CCDC85A: variants seen among roughly 807,000 people sequenced by gnomAD.
CCDC85A encodes coiled-coil domain containing 85A, also known as coiled-coil domain-containing protein 85A.
CCDC85A carries 38 observed loss-of-function variants against 50.2 expected under a neutral mutation model. The observed-to-expected ratio is 0.76, with a 90% CI of 0.58 to 0.99. The LOEUF is 0.99. Ranked by LOEUF, CCDC85A falls within the 50% of genes least tolerant of loss-of-function variation. The pLI, the probability that CCDC85A is intolerant of heterozygous loss-of-function variation, is 0.00. For missense variants in CCDC85A, 820 were observed against 742.0 expected (o/e 1.11, Z -1.22); for synonymous variants, 366 against 301.4 (o/e 1.21, Z -2.22).
chr2:56,333,376 C>A (rs1226888519), intron 2 of CCDC85A, among the ~76,000 whole-genome samples: 2 of 152,076 alleles, frequency 1.3e-5, no homozygotes, highest in Non-Finnish European at 2.9e-5. Context: ...GGCAAGAAGA[C>A]ATCTATGGTG....
At chr2:56,254,343 G>T (rs967399079) in intron 2 of CCDC85A, among the ~76,000 whole-genome samples, 1 of 152,212 alleles carries the variant, frequency 6.6e-6, no homozygotes, top group Middle Eastern at 3.4e-3. Context: ...TCTTGGGGTG[G>T]TGGTGGTAGC....
intron 5 of CCDC85A, among the ~76,000 whole-genome samples, chr2:56,376,327 A>G (rs966879913): frequency 6.6e-6 from 1 of 152,200 alleles, no homozygotes; most frequent in African/African-American, 2.4e-5. Context: ...ATACCACAGT[A>G]TTCTTTCTTG....
chr2:56,267,733 G>A (rs1341832256), intron 2 of CCDC85A, among the ~76,000 whole-genome samples: 1 of 152,154 alleles, frequency 6.6e-6, no homozygotes, highest in Non-Finnish European at 1.5e-5. Context: ...ACTGGAGAGT[G>A]GAATTCAGTG....
chr2:56,325,458 A>G (rs1276446594), intron 2 of CCDC85A, among the ~76,000 whole-genome samples: 2 of 152,112 alleles, frequency 1.3e-5, no homozygotes, highest in African/African-American at 4.8e-5. Flanking sequence ...GGAATAAGCA[A>G]TTTCTGTTCT....
chr2:56,348,504 C>T lies in CCDC85A; in HGVS notation c.1317+5549C>T, dbSNP rs1674743029. ...TTAGAAATGGAAATGAAAAGTCTCC[C>T]TCTCAAGTAATTTGCTTACAATGTG... On this transcript the variant is annotated intron_variant, in intron 3 of 5. Coordinates refer to ENST00000407595, the MANE Select transcript of CCDC85A (RefSeq NM_001080433.2). Among the ~76,000 whole-genome samples, 3 of 152,330 alleles carry T rather than the reference C, an allele frequency of 2.0e-5. No homozygotes were observed. The South Asian group carries it at 6.2e-4, about 32-fold the overall frequency.
chr2:56,242,662 C>A (rs1369138890), intron 2 of CCDC85A, among the ~76,000 whole-genome samples: 1 of 152,094 alleles, frequency 6.6e-6, no homozygotes, highest in African/African-American at 2.4e-5. Flanking sequence ...GGACAAATAT[C>A]CAAACTATAT....
chr2:56,254,301 C>A (rs1196824897), intron 2 of CCDC85A, among the ~76,000 whole-genome samples: 1 of 151,820 alleles, frequency 6.6e-6, no homozygotes, highest in Non-Finnish European at 1.5e-5. Flanking sequence ...TCTGGTGATG[C>A]TGTGTCGGTG....
rs187838853 is a variant in CCDC85A, at chr2:56,192,048, T to G, written c.277-429T>G. On this transcript the variant is annotated intron_variant, in intron 1 of 5. Coordinates refer to ENST00000407595, the MANE Select transcript of CCDC85A (RefSeq NM_001080433.2). This position sits in a 1 kb window ranked among gnomAD's most constrained non-coding sequence, Gnocchi z 4.7. ...GGTTGCTCCCTAACTACTGACCAGA[T>G]GAACTTGGACAAGTGAAGCTTTGTG... Among the ~76,000 whole-genome samples the G allele has an allele frequency of 6.6e-6, 1 of 152,334 alleles. No homozygotes were observed. Among genetic ancestry groups the G allele is most frequent in the African/African-American group, 2.4e-5 (1 of 41,580 alleles).
chr2:56,259,102 T>C (rs937507737), intron 2 of CCDC85A, among the ~76,000 whole-genome samples: 30 of 152,178 alleles, frequency 2.0e-4, no homozygotes, highest in African/African-American at 7.2e-4. Context: ...GATTGCTAAC[T>C]GAGGAGCCGT....
At chr2:56,352,105 T>A (rs942778270) in intron 3 of CCDC85A, among the ~76,000 whole-genome samples, 1 of 152,164 alleles carries the variant, frequency 6.6e-6, no homozygotes, top group Admixed American at 6.5e-5. Context: ...TACTTTTCAT[T>A]TTTTGTTTTC....
At chr2:56,358,247 A>G (rs376946723) in intron 3 of CCDC85A, among the ~76,000 whole-genome samples, 16 of 152,316 alleles carry the variant, frequency 1.1e-4, no homozygotes, top group African/African-American at 3.4e-4. Context: ...TTTCTAGTCC[A>G]TCTGTTTTGA....
intron 2 of CCDC85A, among the ~76,000 whole-genome samples, chr2:56,324,792 C>T (rs2104273763): frequency 6.6e-6 from 1 of 151,936 alleles, no homozygotes; most frequent in African/African-American, 2.4e-5. Context: ...TTTTTATGTC[C>T]AAGAGGCATG....
chr2:56,203,748 T>G (rs1573018519), intron 2 of CCDC85A, among the ~76,000 whole-genome samples: 1 of 152,232 alleles, frequency 6.6e-6, no homozygotes, highest in East Asian at 1.9e-4. Flanking sequence ...CTAAGCTTTA[T>G]TTACAGCTTT....
In CCDC85A at chr2:56,189,297, G is replaced by GTTTTTTTTTTTTTTTTTTT. The variant is rs70955011; in HGVS notation, c.277-3165_277-3164insTTTTTTTTTTTTTTTTTTT. Among the ~76,000 whole-genome samples, 33 of 121,954 alleles carry GTTTTTTTTTTTTTTTTTTT rather than the reference G, an allele frequency of 2.7e-4. 2 individuals carry two copies. The highest frequency in any genetic ancestry group is 5.5e-4 in the African/African-American group (16 of 29,226). The allele number at this position is 121,954 out of a possible 152,430, so 80.0% of individuals were successfully genotyped here. The stretch of plus-strand genomic sequence containing the variant: ...AAAACATGCACGGGGTATTTTTGGT[G>GTTTTTTTTTTTTTTTTTTT]TTTTTTTTTTTTTTTGAGACAAGGT... On this transcript the variant is annotated intron_variant, in intron 1 of 5. Transcript: ENST00000407595.
chr2:56,384,112 C>T (rs1676717535), intron 5 of CCDC85A, among the ~76,000 whole-genome samples, 154 bp from the exon 6 acceptor site: 1 of 151,826 alleles, frequency 6.6e-6, no homozygotes, highest in Non-Finnish European at 1.5e-5. Context: ...AGCTTGTCAT[C>T]ACATTTTATT....
At chr2:56,329,956 T>G (rs1429676867) in intron 2 of CCDC85A, among the ~76,000 whole-genome samples, 17 of 87,136 alleles carry the variant, frequency 2.0e-4, no homozygotes, top group African/African-American at 7.8e-4. Context: ...TTTTTTTTTT[T>G]TTTTTTTTTT....
intron 3 of CCDC85A, among the ~76,000 whole-genome samples, chr2:56,367,472 G>T (rs1675854168): frequency 6.6e-6 from 1 of 152,142 alleles, no homozygotes; most frequent in Non-Finnish European, 1.5e-5. Context: ...TTGCTTTGTA[G>T]TTTCCCAACA....
At chr2:56,254,451 T>A (rs1035820331) in intron 2 of CCDC85A, among the ~76,000 whole-genome samples, 7 of 152,202 alleles carry the variant, frequency 4.6e-5, no homozygotes, top group Admixed American at 4.6e-4. Context: ...AATGCCATAT[T>A]GATTAATTAA....
chr2:56,264,734 T>C (rs1670362903), intron 2 of CCDC85A, among the ~76,000 whole-genome samples: 1 of 152,186 alleles, frequency 6.6e-6, no homozygotes, highest in African/African-American at 2.4e-5. Context: ...CAGAATTTCT[T>C]GTAGGACTTA....
Sources: allele counts gnomAD v4.1 joint callset (sites outside exome capture counted in the v4.1 genomes callset), GRCh38; gene constraint gnomAD v4.1.1; non-coding constraint Gnocchi (gnomAD v3.1); transcripts MANE v1.5; gene names NCBI Gene and HGNC (gene_info 2026-07-23, HGNC 2026-07-21).